The following NEK6 variants were observed in gnomAD, a reference collection of about 807,000 sequenced individuals.
NEK6 encodes NIMA related kinase 6.
A neutral mutation model predicts 43.5 loss-of-function variants in NEK6; 27 were observed. The observed-to-expected ratio is 0.62, with a 90% CI of 0.46 to 0.86. The LOEUF is 0.86. NEK6 is among the 40% of genes least tolerant of loss of function. NEK6 has a pLI of 0.00. For missense variants in NEK6, 318 were observed against 414.4 expected (o/e 0.77, Z 2.02); for synonymous variants, 167 against 164.1 (o/e 1.02, Z -0.14).
chr9:124,336,993 C>T (rs554741995), intron 7 of NEK6, among the ~76,000 whole-genome samples: 1 of 34,344 alleles, frequency 2.9e-5, no homozygotes, highest in South Asian at 2.2e-3. Context: ...GAGACTCTGT[C>T]TCAAAAAAAA....
chr9:124,257,871 G>A (rs1238341106), upstream of NEK6: 4 of 1,035,610 alleles, frequency 3.9e-6, no homozygotes, highest in South Asian at 4.4e-5. Context: ...TTGCGTGGCG[G>A]CAGCGCGCAC....
intron 1 of NEK6, chr9:124,262,907 T>G (rs1266995107): frequency 6.6e-6 from 1 of 152,270 alleles, no homozygotes; most frequent in Non-Finnish European, 1.5e-5. Context: ...TGTTTAACCC[T>G]CATGCTTCAG....
intron 1 of NEK6, among the ~76,000 whole-genome samples, chr9:124,274,977 G>A (rs151018833): frequency 6.6e-6 from 1 of 152,296 alleles, no homozygotes; most frequent in African/African-American, 2.4e-5. Flanking sequence ...ATGTGAAAAG[G>A]ACCGACCTAA....
At chr9:124,295,851 A>C (rs1832663175) in intron 1 of NEK6, among the ~76,000 whole-genome samples, 1 of 152,242 alleles carries the variant, frequency 6.6e-6, no homozygotes, top group Non-Finnish European at 1.5e-5. Context: ...TCTGAGAAGC[A>C]GGTTCAAATG....
At chr9:124,321,130 T>C (rs1484220165) in intron 4 of NEK6, among the ~76,000 whole-genome samples, 2 of 152,138 alleles carry the variant, frequency 1.3e-5, no homozygotes, top group East Asian at 3.9e-4. Flanking sequence ...TTTCCACAAG[T>C]CCATGCTGAG....
chr9:124,274,980 C>T (rs1213466142), intron 1 of NEK6, among the ~76,000 whole-genome samples: 3 of 152,122 alleles, frequency 2.0e-5, no homozygotes, highest in Admixed American at 6.5e-5. Flanking sequence ...TGAAAAGGAC[C>T]GACCTAACTT....
At chr9:124,291,148 A>G (rs1324963897) in intron 1 of NEK6, among the ~76,000 whole-genome samples, 2 of 152,090 alleles carry the variant, frequency 1.3e-5, no homozygotes, top group Non-Finnish European at 2.9e-5. Flanking sequence ...ACCCACCAGC[A>G]CCCCGGGCAG....
chr9:124,299,408 A>C (rs1479920673), intron 1 of NEK6, among the ~76,000 whole-genome samples: 11 of 152,160 alleles, frequency 7.2e-5, no homozygotes. Context: ...CGCATTTTAC[A>C]TTCTGCTCTC....
chr9:124,318,278 A>C (rs1200012613), intron 4 of NEK6, among the ~76,000 whole-genome samples: 2 of 151,758 alleles, frequency 1.3e-5, no homozygotes, highest in Non-Finnish European at 2.9e-5. Flanking sequence ...GTCACACCCT[A>C]TCATCTAAGC....
At position 124,290,802 on chromosome 9, in the gene NEK6, C is replaced by T. The variant is rs534305947; in HGVS notation, c.-29-11134C>T. Among the ~76,000 whole-genome samples the T allele has an allele frequency of 1.7e-4, 26 of 152,354 alleles. No individual in the cohort carries two copies. In the South Asian group the frequency reaches 5.2e-3, roughly 30 times the overall value. On this transcript the variant is annotated intron_variant, in intron 1 of 9. Transcript: ENST00000320246. The stretch of plus-strand genomic sequence containing the variant: ...TTCTGGGCCACCTCAGGTTTTCTAC[C>T]TGTTGTCCAAAGCTCCCCGTGACCT...
intron 1 of NEK6, among the ~76,000 whole-genome samples, chr9:124,297,824 C>T (rs370655948): frequency 2.6e-5 from 4 of 152,358 alleles, no homozygotes; most frequent in Non-Finnish European, 1.5e-5. Flanking sequence ...AGGGTCTTTT[C>T]CCTGCTCCGT....
intron 1 of NEK6, among the ~76,000 whole-genome samples, chr9:124,271,798 C>T (rs1473463105): frequency 6.6e-6 from 1 of 152,270 alleles, no homozygotes; most frequent in Non-Finnish European, 1.5e-5. Context: ...TCCACTCCTG[C>T]CCCTGAGCAG....
chr9:124,274,254 C>CA (rs1469481168), intron 1 of NEK6, among the ~76,000 whole-genome samples: 1 of 152,262 alleles, frequency 6.6e-6, no homozygotes, highest in Non-Finnish European at 1.5e-5. Context: ...CTCGCTGTGG[C>CA]AGGGCATGTG....
At chr9:124,350,129 TGCTGTGGCC>T (rs1422417223) in intron 9 of NEK6, among the ~76,000 whole-genome samples, 3 of 152,018 alleles carry the variant, frequency 2.0e-5, no homozygotes, top group Non-Finnish European at 4.4e-5. Flanking sequence ...CTGCTTCGGC[TGCTGTGGCC>T]TGCGGGGCTG....
At chr9:124,312,104 G>A (rs1833557536) in intron 2 of NEK6, among the ~76,000 whole-genome samples, 1 of 152,214 alleles carries the variant, frequency 6.6e-6, no homozygotes, top group Admixed American at 6.5e-5. Context: ...CACGGGCTGG[G>A]GATACATGAG....
chr9:124,275,315 G>A lies in NEK6; in HGVS notation c.-30+17230G>A, dbSNP rs1306124542. Among the ~76,000 whole-genome samples the A allele has an allele frequency of 2.0e-5, 3 of 152,238 alleles. No individual in the cohort carries two copies. On this transcript the variant is annotated intron_variant, in intron 1 of 9. Coordinates refer to ENST00000320246, the MANE Select transcript of NEK6 (RefSeq NM_014397.6). The surrounding 1 kb of genome is among the most constrained non-coding windows in gnomAD (Gnocchi z 4.4). ...TCACTAACTTGCCGGATGTCTTTGAGTCATGGTTTCACCTGCCTGAGCCTC... is the reference window on the plus strand; with the variant it reads ...TCACTAACTTGCCGGATGTCTTTGAATCATGGTTTCACCTGCCTGAGCCTC...
intron 3 of NEK6, among the ~76,000 whole-genome samples, chr9:124,313,027 G>C (rs1436276796): frequency 6.6e-6 from 1 of 152,254 alleles, no homozygotes; most frequent in Admixed American, 6.5e-5. Flanking sequence ...CCATCCTTGC[G>C]CCTGCGGTTG....
Position 124,275,022 on chromosome 9 carries a change from G to C in NEK6, c.-30+16937G>C, listed in dbSNP as rs986331072. Among the ~76,000 whole-genome samples the C allele has an allele frequency of 1.3e-5, 2 of 152,166 alleles. No individual in the cohort carries two copies. Among genetic ancestry groups the C allele is most frequent in the African/African-American group, 4.8e-5 (2 of 41,430 alleles). On this transcript the variant is annotated intron_variant, in intron 1 of 9. Transcript: ENST00000320246. This position sits in a 1 kb window ranked among gnomAD's most constrained non-coding sequence, Gnocchi z 4.4. ...ATTCTTAACCTGAGCAGGGACCCCAGGGGCACGAGCTCTGCTTAGTTCTTG... is the reference window on the plus strand; with the variant it reads ...ATTCTTAACCTGAGCAGGGACCCCACGGGCACGAGCTCTGCTTAGTTCTTG...
At chr9:124,301,370 T>C (rs1832966156) in intron 1 of NEK6, among the ~76,000 whole-genome samples, 1 of 152,040 alleles carries the variant, frequency 6.6e-6, no homozygotes, top group Admixed American at 6.5e-5. Flanking sequence ...TGCACAGAGG[T>C]CTAAGTAGGA....
Sources: allele counts gnomAD v4.1 joint callset (sites outside exome capture counted in the v4.1 genomes callset), GRCh38; gene constraint gnomAD v4.1.1; non-coding constraint Gnocchi (gnomAD v3.1); transcripts MANE v1.5; gene names NCBI Gene and HGNC (gene_info 2026-07-23, HGNC 2026-07-21).